The following POC1A variants were observed in gnomAD, a reference collection of about 807,000 sequenced individuals.
POC1A encodes POC1 centriolar protein A.
POC1A carries 34 observed loss-of-function variants against 47.8 expected under a neutral mutation model. The ratio of observed to expected loss-of-function variants is 0.71; its 90% CI spans 0.54 to 0.95. The LOEUF (loss-of-function observed/expected upper bound fraction) is 0.95. POC1A is among the 40% of genes least tolerant of loss of function. The pLI is 0.00. For missense variants in POC1A, 466 were observed against 528.3 expected (o/e 0.88, Z 1.16); for synonymous variants, 177 against 207.6 (o/e 0.85, Z 1.27).
intron 6 of POC1A, among the ~76,000 whole-genome samples, chr3:52,139,729 G>A (rs556654219): frequency 3.2e-4 from 49 of 152,318 alleles, no homozygotes; most frequent in East Asian, 9.6e-4. Flanking sequence ...GCACCGAGCA[G>A]GACTCAGAAA....
intron 10 of POC1A, among the ~76,000 whole-genome samples, chr3:52,082,887 C>G (rs1702346049): frequency 6.6e-6 from 1 of 152,150 alleles, no homozygotes; most frequent in African/African-American, 2.4e-5. Flanking sequence ...ACCTCACTAC[C>G]TCAGATGCGT....
intron 4 of POC1A, 60 bp from the exon 5 acceptor site, chr3:52,147,155 CCTT>C: frequency 7.8e-7 from 1 of 1,276,586 alleles, no homozygotes; most frequent in Non-Finnish European, 1.1e-6. Flanking sequence ...GCACCACACA[CCTT>C]CTTCCACAGC....
Position 52,146,284 on chromosome 3 carries a change from T to C in POC1A, c.564-323A>G, listed in dbSNP as rs559923850. Reference sequence around the variant, plus strand: ...CTGGGATTTTCAAAGTTGGAGCTGGTACCCTTCCCAGGGGTGGCTGCAGGG... The same window carrying C: ...CTGGGATTTTCAAAGTTGGAGCTGGCACCCTTCCCAGGGGTGGCTGCAGGG... On this transcript the variant is annotated intron_variant, in intron 5 of 10. Transcript: ENST00000296484. Among the ~76,000 whole-genome samples the C allele has an allele frequency of 4.6e-5, 7 of 152,354 alleles. No homozygotes were observed. The South Asian group carries it at 1.4e-3, about 32-fold the overall frequency.
At chr3:52,138,040 T>A (rs1173848948) in intron 7 of POC1A, 129 bp downstream of exon 7, 1 of 982,656 alleles carries the variant, frequency 1.0e-6, no homozygotes. Context: ...CCAGGTCACA[T>A]GGAAATGCCT....
chr3:52,088,224 A>G (rs1047486940), intron 10 of POC1A, among the ~76,000 whole-genome samples: 1 of 152,140 alleles, frequency 6.6e-6, no homozygotes, highest in South Asian at 2.1e-4. Context: ...GAAGAAGGGC[A>G]CAAGCCACCA....
Position 52,079,133 on chromosome 3 carries a change from G to A in POC1A, c.1126-3148C>T, listed in dbSNP as rs1014077686. ...ACAGACTGGTTTGGAGCCATATCAC[G>A]TGGCCTTGTTCAGAATGTATATGAT... On this transcript the variant is annotated intron_variant, in intron 10 of 10. Coordinates refer to ENST00000296484, the MANE Select transcript of POC1A (RefSeq NM_015426.5). The surrounding 1 kb of genome is among the most constrained non-coding windows in gnomAD (Gnocchi z 4.6). Among the ~76,000 whole-genome samples the A allele has an allele frequency of 2.6e-5, 4 of 152,216 alleles. No individual in the cohort carries two copies. The South Asian group carries it at 6.2e-4, about 24-fold the overall frequency.
At chr3:52,097,816 T>G (rs1004754420) in intron 9 of POC1A, among the ~76,000 whole-genome samples, 1 of 152,242 alleles carries the variant, frequency 6.6e-6, no homozygotes, top group Admixed American at 6.5e-5. Context: ...ATCATCAGCA[T>G]GTCGGCCACT....
At chr3:52,106,426 G>C (rs1367111868) in intron 9 of POC1A, among the ~76,000 whole-genome samples, 1 of 152,240 alleles carries the variant, frequency 6.6e-6, no homozygotes, top group Non-Finnish European at 1.5e-5. Context: ...ATGAGGCTGA[G>C]ATGGGAGGAT....
At chr3:52,140,571 A>G (rs907192884) in intron 6 of POC1A, among the ~76,000 whole-genome samples, 1 of 152,208 alleles carries the variant, frequency 6.6e-6, no homozygotes, top group African/African-American at 2.4e-5. Flanking sequence ...CAAGGGAAAG[A>G]ATCTCTCCCA....
chr3:52,124,039 T>C (rs1201481933), intron 8 of POC1A, among the ~76,000 whole-genome samples: 1 of 152,222 alleles, frequency 6.6e-6, no homozygotes, highest in Non-Finnish European at 1.5e-5. Flanking sequence ...AACTACCCTC[T>C]GCCTTACTGG....
intron 6 of POC1A, among the ~76,000 whole-genome samples, chr3:52,138,735 C>T (rs569518049): frequency 3.3e-5 from 5 of 152,344 alleles, no homozygotes; most frequent in African/African-American, 1.2e-4. Flanking sequence ...CACTGCCACA[C>T]AGGAAGGACG....
At chr3:52,094,734 A>G (rs1702754619) in intron 10 of POC1A, among the ~76,000 whole-genome samples, 1 of 152,226 alleles carries the variant, frequency 6.6e-6, no homozygotes, top group South Asian at 2.1e-4. Context: ...CAGTTTTGCA[A>G]AGCAGGTGAC....
At chr3:52,147,218 A>C in intron 4 of POC1A, 123 bp from the exon 5 acceptor site, 1 of 683,302 alleles carries the variant, frequency 1.5e-6, no homozygotes, top group Admixed American at 2.4e-5. Context: ...ACCCGGGGTC[A>C]CATGCCCTGC....
At chr3:52,130,064 T>A (rs1425351457) in intron 7 of POC1A, among the ~76,000 whole-genome samples, 1 of 152,204 alleles carries the variant, frequency 6.6e-6, no homozygotes, top group Non-Finnish European at 1.5e-5. Context: ...CGCCTGACTC[T>A]CAGAGGCCCC....
At chr3:52,130,900 G>GTC in intron 7 of POC1A, among the ~76,000 whole-genome samples, 1 of 152,186 alleles carries the variant, frequency 6.6e-6, no homozygotes, top group East Asian at 1.9e-4. Flanking sequence ...GCATCAGTGG[G>GTC]TCTCCTACTC....
intron 9 of POC1A, among the ~76,000 whole-genome samples, chr3:52,121,624 C>A (rs956677199): frequency 6.6e-6 from 1 of 152,102 alleles, no homozygotes; most frequent in Non-Finnish European, 1.5e-5. Flanking sequence ...TTGGGCGAGC[C>A]GCTTCCTGTT....
At position 52,151,271 on chromosome 3, in the gene POC1A, A is replaced by T. The variant is rs563435727; in HGVS notation, c.19-171T>A. On this transcript the variant is annotated intron_variant, in intron 1 of 10. Transcript: ENST00000296484. The stretch of plus-strand genomic sequence containing the variant: ...CTTAGGATTAGTTTTTACTAGGAAT[A>T]GTTTTTACTATTTGAATTAATACAT... The T allele has an allele frequency of 3.4e-6, 3 of 888,338 alleles. No homozygotes were observed. In the African/African-American group the frequency reaches 5.1e-5, roughly 15 times the overall value. 55.0% of individuals were successfully genotyped at this position (888,338 alleles called of 1,614,324 possible).
chr3:52,096,536 C>T (rs758164522), intron 10 of POC1A, 33 bp downstream of exon 10: 43 of 1,502,806 alleles, frequency 2.9e-5, no homozygotes, highest in Middle Eastern at 1.9e-4. Flanking sequence ...GTGCAGATGA[C>T]GGGATGACGG....
intron 8 of POC1A, 68 bp downstream of exon 8, chr3:52,125,045 T>C (rs1290753584): frequency 5.5e-6 from 7 of 1,281,438 alleles, no homozygotes; most frequent in Non-Finnish European, 7.9e-6. Flanking sequence ...AAACACCCTG[T>C]TTGGTTCTGA....
Sources: allele counts gnomAD v4.1 joint callset (sites outside exome capture counted in the v4.1 genomes callset), GRCh38; gene constraint gnomAD v4.1.1; non-coding constraint Gnocchi (gnomAD v3.1); transcripts MANE v1.5; gene names NCBI Gene and HGNC (gene_info 2026-07-23, HGNC 2026-07-21).